RABL6: variants seen among roughly 807,000 people sequenced by gnomAD.
RABL6 encodes RAB, member RAS oncogene family like 6.
RABL6 carries 28 observed loss-of-function variants against 72.9 expected under a neutral mutation model. That is an observed-to-expected ratio of 0.38 (90% confidence interval 0.28 to 0.53). The LOEUF (loss-of-function observed/expected upper bound fraction) is 0.53, where lower values mean the gene tolerates loss of function less well. Ranked by LOEUF, RABL6 falls within the 20% of genes least tolerant of loss-of-function variation. RABL6 has a pLI of 0.80. For synonymous variants in RABL6, 477 were observed against 421.2 expected, an observed-to-expected ratio of 1.13 and a Z score of -1.62; for missense variants, 1,029 against 1,008.4, an observed-to-expected ratio of 1.02 and a Z score of -0.28.
intron 7 of RABL6, chr9:136,832,994 C>T (rs1483259511): frequency 3.0e-6 from 1 of 334,052 alleles, no homozygotes; most frequent in African/African-American, 2.2e-5. Flanking sequence ...CCTCCTCGCC[C>T]TGGGCTGCCC....
intron 2 of RABL6, among the ~76,000 whole-genome samples, chr9:136,823,899 G>A (rs1402212384): frequency 6.6e-6 from 1 of 152,258 alleles, no homozygotes; most frequent in Non-Finnish European, 1.5e-5. Flanking sequence ...GGGCAGCGTT[G>A]GCCGCAGGTG....
chr9:136,818,059 C>CT (rs1212935073), intron 1 of RABL6, among the ~76,000 whole-genome samples: 19 of 59,710 alleles, frequency 3.2e-4, no homozygotes, highest in Non-Finnish European at 4.8e-4. Context: ...AAGACTCCAT[C>CT]TCAAAAAAAA....
intron 5 of RABL6, 34 bp from the exon 6 acceptor site, chr9:136,831,687 T>A: frequency 6.2e-7 from 1 of 1,611,016 alleles, no homozygotes; most frequent in Non-Finnish European, 8.5e-7. Flanking sequence ...GTCGCAGGGC[T>A]GAAACTAAGC....
At position 136,821,249 on chromosome 9, in the gene RABL6, C is replaced by T. The variant is rs911868947; in HGVS notation, c.131-2276C>T. The T allele has an allele frequency of 1.3e-5, 11 of 873,748 alleles. No individual in the cohort carries two copies. In the South Asian group the frequency reaches 3.2e-4, roughly 25 times the overall value. 54.1% of individuals were successfully genotyped at this position (873,748 alleles called of 1,614,324 possible). Reference sequence around the variant, plus strand: ...GAGCCGAGATGCGGGGACCAAGGGACGTCAGCGCGTTGGTTCTGGCCGCGG... The same window carrying T: ...GAGCCGAGATGCGGGGACCAAGGGATGTCAGCGCGTTGGTTCTGGCCGCGG... On this transcript the variant is annotated intron_variant, in intron 1 of 14. Coordinates refer to ENST00000311502, the MANE Select transcript of RABL6 (RefSeq NM_024718.5).
intron 1 of RABL6, among the ~76,000 whole-genome samples, chr9:136,819,560 G>A (rs550366656): frequency 5.9e-5 from 9 of 152,226 alleles, no homozygotes; most frequent in Middle Eastern, 3.4e-3. Flanking sequence ...TAATGGTGTC[G>A]AAAGGTTGAA....
chr9:136,823,930 G>A (rs540012998), intron 2 of RABL6, among the ~76,000 whole-genome samples: 5 of 152,330 alleles, frequency 3.3e-5, no homozygotes, highest in Admixed American at 1.3e-4. Flanking sequence ...CGGGCGCCTC[G>A]GGGGCTGAAA....
chr9:136,818,875 C>T (rs1013064359), intron 1 of RABL6, among the ~76,000 whole-genome samples: 6 of 152,212 alleles, frequency 3.9e-5, no homozygotes, highest in South Asian at 4.1e-4. Context: ...ACAGTCAAGG[C>T]GTTCAGATCT....
Position 136,823,598 on chromosome 9 carries a change from C to T in RABL6, c.204C>T (p.Phe68=), listed in dbSNP as rs149867930. The stretch of plus-strand genomic sequence containing the variant: ...GGCACCGCCTGCAGGGCCGGCCGTT[C>T]GTGGAGGAGTACATCCCCACACAGG... ...ALWHRLQGRP[F]VEEYIPTQEI... is the part of the protein sequence containing the mutation. Residue 68 remains phenylalanine (F), a synonymous_variant, in exon 2 of 15, where the codon TTC becomes TTT. Coordinates refer to ENST00000311502, the MANE Select transcript of RABL6 (RefSeq NM_024718.5). 6.0e-4 allele frequency: 962 copies of T among 1,613,780 alleles called. No homozygotes were observed. The highest frequency in any genetic ancestry group is 7.7e-4 in the Non-Finnish European group (912 of 1,179,832).
At chr9:136,818,450 TAA>T (rs1385556069) in intron 1 of RABL6, among the ~76,000 whole-genome samples, 1 of 118,526 alleles carries the variant, frequency 8.4e-6, no homozygotes, top group Non-Finnish European at 1.8e-5. Flanking sequence ...GAAAATGAAA[TAA>T]GTGTTGGTGG....
intron 5 of RABL6, among the ~76,000 whole-genome samples, chr9:136,831,449 AAGGCAGGGAC>A (rs1848471375): frequency 6.6e-6 from 1 of 152,104 alleles, no homozygotes; most frequent in East Asian, 1.9e-4. Context: ...GCTCTGAGGG[AAGGCAGGGAC>A]AGGCAGGGGC....
At chr9:136,839,932 C>A in intron 13 of RABL6, 67 bp downstream of exon 13, 1 of 1,549,128 alleles carries the variant, frequency 6.5e-7, no homozygotes, top group South Asian at 1.2e-5. Context: ...CTCCTCCCAG[C>A]TGCTGGCCGC....
chr9:136,816,093 G>GA (rs944618303), intron 1 of RABL6, among the ~76,000 whole-genome samples: 4 of 151,920 alleles, frequency 2.6e-5, no homozygotes, highest in African/African-American at 7.3e-5. Context: ...ACCAGCAGGA[G>GA]AAAAAAAAGA....
chr9:136,808,313 G>C lies in RABL6; in HGVS notation c.117G>C (p.Gly39=). 6.4e-7 allele frequency: 1 copy of C among 1,559,154 alleles called. No homozygotes were observed. Among genetic ancestry groups the C allele is most frequent in the Non-Finnish European group, 8.7e-7 (1 of 1,154,568 alleles). The change falls in exon 1 of 15, where the codon GGG becomes GGC. Residue 39 remains glycine (G), a synonymous_variant. Transcript: ENST00000311502. ...CGTTGCAGAGGCGCTTCGCCAAGGGGGTGCAGTACAACAGTGAGTGCGGCG... is the reference window on the plus strand; with the variant it reads ...CGTTGCAGAGGCGCTTCGCCAAGGGCGTGCAGTACAACAGTGAGTGCGGCG... ...NQALQRRFAK[G]VQYNMKIVIR... is the part of the protein sequence containing the mutation.
intron 10 of RABL6, among the ~76,000 whole-genome samples, chr9:136,838,573 G>T (rs1054663141): frequency 2.6e-5 from 4 of 152,248 alleles, no homozygotes; most frequent in African/African-American, 9.6e-5. Flanking sequence ...CCATTGCTGT[G>T]GGGCAGCGGC....
chr9:136,840,956 C>G lies in RABL6; in HGVS notation c.*434C>G, dbSNP rs1250900678. 6.9e-7 allele frequency: 1 copy of G among 1,458,312 alleles called. No homozygotes were observed. Among genetic ancestry groups the G allele is most frequent in the African/African-American group, 1.4e-5 (1 of 70,058 alleles). The allele number at this position is 1,458,312 out of a possible 1,614,324, so 90.3% of individuals were successfully genotyped here. A position where few individuals can be genotyped will look rare whatever the true frequency, so the allele number is the denominator to read the frequency against. On this transcript the variant is annotated 3_prime_UTR_variant, in exon 15 of 15. Transcript: ENST00000311502. ...AGCATGCCTATGGTTCCGCTTCCGG[C>G]CGGGAGCCCTGAACACGGGTGTGCA...
chr9:136,813,469 G>A, intron 1 of RABL6: 1 of 519,020 alleles, frequency 1.9e-6, no homozygotes, highest in Admixed American at 3.2e-5. Context: ...CCATGATAGT[G>A]CAGGGAAATA....
Position 136,840,194 on chromosome 9 carries a change from GA to G in RABL6, c.1973del (p.Lys658ArgfsTer112), listed in dbSNP as rs1848663763. The G allele has an allele frequency of 6.2e-7, 1 of 1,612,668 alleles. No homozygotes were observed. The highest frequency in any genetic ancestry group is 8.5e-7 in the Non-Finnish European group (1 of 1,179,834). Reference sequence around the variant, plus strand: ...CCCCCTCTAAGGAGAAGAAGAAGAAGAAGAAAAAAGGCAAAGAGGTACTGGC... The same window carrying G: ...CCCCCTCTAAGGAGAAGAAGAAGAAGAGAAAAAAGGCAAAGAGGTACTGGC... Reference protein sequence around the residue: ...KTPSKEKKKKKKKGKEEEEKA... With the variant: ...KTPSKEKKKKXKKGKEEEEKA... On this transcript the variant is annotated frameshift_variant, in exon 14 of 15. Coordinates refer to ENST00000311502, the MANE Select transcript of RABL6 (RefSeq NM_024718.5). LOFTEE classifies it low-confidence loss of function (END_TRUNC).
intron 11 of RABL6, 42 bp from the exon 12 acceptor site, chr9:136,839,180 G>A (rs183593803): frequency 7.4e-5 from 118 of 1,598,692 alleles, no homozygotes; most frequent in Middle Eastern, 1.8e-4. Flanking sequence ...AGTTCAGGAC[G>A]CCTCCAGAGG....
chr9:136,829,527 C>T (rs1848427840), intron 5 of RABL6, 43 bp downstream of exon 5: 4 of 1,512,128 alleles, frequency 2.6e-6, no homozygotes, highest in Non-Finnish European at 3.6e-6. Flanking sequence ...GACTCTCACC[C>T]CCCTAGCCCC....
Sources: allele counts gnomAD v4.1 joint callset (sites outside exome capture counted in the v4.1 genomes callset), GRCh38; gene constraint gnomAD v4.1.1; transcripts MANE v1.5; gene names NCBI Gene and HGNC (gene_info 2026-07-23, HGNC 2026-07-21).